Variants in SUGCT observed in about 807,000 individuals in gnomAD.
The protein encoded by SUGCT is succinyl-CoA:glutarate CoA-transferase.
SUGCT carries 41 observed loss-of-function variants against 55.0 expected under a neutral mutation model. The ratio of observed to expected loss-of-function variants is 0.74; its 90% CI spans 0.58 to 0.97. The LOEUF is 0.97. SUGCT is among the 50% of genes least tolerant of loss of function. SUGCT has a pLI of 0.00. For missense variants in SUGCT, 568 were observed against 547.8 expected (o/e 1.04, Z -0.37); for synonymous variants, 187 against 200.4 (o/e 0.93, Z 0.56).
intron 7 of SUGCT, among the ~76,000 whole-genome samples, chr7:40,238,478 A>G (rs1365176009): frequency 2.0e-5 from 3 of 152,148 alleles, no homozygotes; most frequent in Non-Finnish European, 4.4e-5. Context: ...AAACACACCC[A>G]TTTCAAAACA....
At chr7:40,660,909 A>T (rs545666570) in intron 12 of SUGCT, among the ~76,000 whole-genome samples, 1 of 152,152 alleles carries the variant, frequency 6.6e-6, no homozygotes, top group East Asian at 1.9e-4. Context: ...CCAGCATTAT[A>T]ACCTTCTTGC....
At chr7:40,808,755 A>G (rs1360522594) in intron 13 of SUGCT, among the ~76,000 whole-genome samples, 1 of 152,154 alleles carries the variant, frequency 6.6e-6, no homozygotes, top group African/African-American at 2.4e-5. Flanking sequence ...CATGAATGTA[A>G]TTGTTGTCTC....
At chr7:40,328,662 C>T (rs776174649) in intron 9 of SUGCT, among the ~76,000 whole-genome samples, 3 of 151,970 alleles carry the variant, frequency 2.0e-5, no homozygotes, top group Admixed American at 6.6e-5. Flanking sequence ...TGTCCTAGAT[C>T]GATCATCTTG....
At chr7:41,017,770 CA>C in the SUGCT span, among the ~76,000 whole-genome samples, 164 of 113,150 alleles carry the variant, frequency 1.4e-3, no homozygotes, top group Middle Eastern at 5.2e-3. Context: ...GAGTCCGTCT[CA>C]AAAAAAAAAA....
chr7:40,804,254 A>G (rs908464390), intron 13 of SUGCT, among the ~76,000 whole-genome samples: 1 of 152,202 alleles, frequency 6.6e-6, no homozygotes, highest in Non-Finnish European at 1.5e-5. Context: ...AAAGATTTAA[A>G]TCAATGCTTA....
intron 13 of SUGCT, among the ~76,000 whole-genome samples, chr7:40,849,160 T>C (rs1793727115): frequency 6.6e-6 from 1 of 152,194 alleles, no homozygotes; most frequent in Non-Finnish European, 1.5e-5. Context: ...AAACATTTCA[T>C]ATATTATAAA....
chr7:40,275,178 T>C (rs1792383382), intron 8 of SUGCT, among the ~76,000 whole-genome samples: 1 of 152,178 alleles, frequency 6.6e-6, no homozygotes, highest in Admixed American at 6.6e-5. Context: ...TGAACCCAAA[T>C]TTTCCAGGCT....
At chr7:40,630,671 T>C (rs1387834716) in intron 12 of SUGCT, among the ~76,000 whole-genome samples, 1 of 152,188 alleles carries the variant, frequency 6.6e-6, no homozygotes, top group African/African-American at 2.4e-5. Flanking sequence ...TGCCAATAAC[T>C]TTCTGAATCC....
intron 9 of SUGCT, among the ~76,000 whole-genome samples, chr7:40,418,721 C>T (rs1287544085): frequency 1.3e-5 from 2 of 152,124 alleles, no homozygotes; most frequent in Non-Finnish European, 2.9e-5. Context: ...CCTGGACAGG[C>T]AGTGACAGCT....
At chr7:40,667,657 CT>C (rs528689277) in intron 12 of SUGCT, among the ~76,000 whole-genome samples, 98 of 143,632 alleles carry the variant, frequency 6.8e-4, no homozygotes, top group African/African-American at 2.3e-3. Flanking sequence ...GTTTCAGTTT[CT>C]TCCTGGTTCA....
chr7:40,368,344 C>T (rs781322691), intron 9 of SUGCT, among the ~76,000 whole-genome samples: 13 of 152,028 alleles, frequency 8.6e-5, no homozygotes, highest in Non-Finnish European at 5.9e-5. Context: ...ATTACAGGTG[C>T]ATACCACCAC....
At chr7:40,956,868 G>T in the SUGCT span, among the ~76,000 whole-genome samples, 1 of 152,040 alleles carries the variant, frequency 6.6e-6, no homozygotes, top group African/African-American at 2.4e-5. Flanking sequence ...CCTTAATTTC[G>T]TTATGTACCC....
At position 40,731,573 on chromosome 7, in the gene SUGCT, A is replaced by C. The variant is rs534169233; in HGVS notation, c.1090-17861A>C. On this transcript the variant is annotated intron_variant, in intron 12 of 13. Transcript: ENST00000335693. The stretch of plus-strand genomic sequence containing the variant: ...TTAGAAATGAATTGAAAGAGTGAGG[A>C]TAGCATGAATCTGCATTTACATGGT... Among the ~76,000 whole-genome samples the C allele has an allele frequency of 7.2e-5, 11 of 152,328 alleles. No individual in the cohort carries two copies. The South Asian group carries it at 2.3e-3, about 32-fold the overall frequency.
intron 1 of SUGCT, among the ~76,000 whole-genome samples, chr7:40,150,899 T>A (rs1157176873): frequency 6.6e-6 from 1 of 152,102 alleles, no homozygotes; most frequent in Non-Finnish European, 1.5e-5. Flanking sequence ...TTACCATGTA[T>A]ATGATGATGA....
Position 40,603,300 on chromosome 7 carries a change from C to T in SUGCT, c.1089+106914C>T, listed in dbSNP as rs1318853455. 3.3e-5 allele frequency among the ~76,000 whole-genome samples: 5 copies of T among 152,094 alleles called. No individual in the cohort carries two copies. The South Asian group carries it at 6.2e-4, about 19-fold the overall frequency. On this transcript the variant is annotated intron_variant, in intron 12 of 13. Coordinates refer to ENST00000335693, the MANE Select transcript of SUGCT (RefSeq NM_001193313.2). ...ATGTATGACAAATGCATAATGATAG[C>T]GAAAGTGCTTTCTTTGGTATTCTTG... is the stretch of plus-strand genomic sequence containing the variant.
chr7:40,985,893 A>G, the SUGCT span, among the ~76,000 whole-genome samples: 50 of 152,348 alleles, frequency 3.3e-4, no homozygotes, highest in Middle Eastern at 3.4e-3. Flanking sequence ...GGGAAGACCC[A>G]TGGTTTTTCA....
intron 5 of SUGCT, among the ~76,000 whole-genome samples, chr7:40,190,747 T>C (rs6462963): frequency 0.51 from 77,633 of 151,946 alleles, 20,249 homozygotes; most frequent in Middle Eastern, 0.65. Context: ...AATGGTTGTA[T>C]AGTATTCTTC....
In SUGCT at chr7:40,189,576, G is replaced by A. The variant is rs1164286246; in HGVS notation, c.345G>A (p.Gly115=). The A allele has an allele frequency of 7.1e-7, 1 of 1,402,838 alleles. No homozygotes were observed. Among genetic ancestry groups the A allele is most frequent in the Non-Finnish European group, 9.5e-7 (1 of 1,053,486 alleles). 86.9% of individuals were successfully genotyped at this position (1,402,838 alleles called of 1,614,324 possible). The change falls in exon 5 of 14, where the codon GGG becomes GGA. Residue 115 remains glycine (G), a synonymous_variant. Coordinates refer to ENST00000335693, the MANE Select transcript of SUGCT (RefSeq NM_001193313.2). The part of the protein sequence containing the change: ...SIAVNIKDPK[G]VKIIKELAAV... ...CTGTTAATATCAAGGATCCAAAAGGGGTGAAAATCATCAAAGAGGTACAGT... is the reference window on the plus strand; with the variant it reads ...CTGTTAATATCAAGGATCCAAAAGGAGTGAAAATCATCAAAGAGGTACAGT...
In SUGCT at chr7:40,717,178, G is replaced by T. The variant is rs529246259; in HGVS notation, c.1090-32256G>T. On this transcript the variant is annotated intron_variant, in intron 12 of 13. Transcript: ENST00000335693. ...CATAGAAAGATTAAGCTACATATTT[G>T]TTCACTGCGATAATATTGTTGCAGA... Among the ~76,000 whole-genome samples the T allele has an allele frequency of 6.6e-5, 10 of 152,276 alleles. No individual in the cohort carries two copies. The South Asian group carries it at 2.1e-3, about 32-fold the overall frequency.
Sources: gnomAD v4.1 joint callset for allele counts (sites outside exome capture counted in the v4.1 genomes callset) on GRCh38, gnomAD v4.1.1 for gene constraint, MANE v1.5 for transcripts, NCBI Gene and HGNC (gene_info 2026-07-23, HGNC 2026-07-21) for gene names.